Variants in PIK3C2G observed in about 807,000 individuals in gnomAD.
PIK3C2G encodes the protein phosphatidylinositol 3-kinase C2 domain-containing subunit gamma.
Under a neutral mutation model 181.1 loss-of-function variants are expected in PIK3C2G, and 168 were observed. That is an observed-to-expected ratio of 0.93 (90% confidence interval 0.82 to 1.05). The LOEUF is 1.05. Among genes scored for constraint, PIK3C2G ranks in the 50% least tolerant of loss-of-function variants. The pLI, the probability that PIK3C2G is intolerant of heterozygous loss-of-function variation, is 0.00. For synonymous variants in PIK3C2G, 573 were observed against 592.2 expected (o/e 0.97, Z 0.47); for missense variants, 1,869 against 1,732.8 (o/e 1.08, Z -1.40).
chr12:18,350,988 A>G (rs1940166342), intron 11 of PIK3C2G, among the ~76,000 whole-genome samples: 1 of 152,158 alleles, frequency 6.6e-6, no homozygotes, highest in South Asian at 2.1e-4. Context: ...TATATATTGT[A>G]CTTACAGAAG....
At chr12:18,563,532 C>G (rs1945457890) in intron 28 of PIK3C2G, 34 bp downstream of exon 28, 2 of 1,602,126 alleles carry the variant, frequency 1.2e-6, no homozygotes, top group South Asian at 1.1e-5. Context: ...GTTTTGCCTT[C>G]AGTACTTGTC....
At chr12:18,261,623 A>G (rs1479506364) in intron 1 of PIK3C2G, 46 bp downstream of exon 1, 2 of 152,160 alleles carry the variant, frequency 1.3e-5, no homozygotes, top group Admixed American at 1.3e-4. Context: ...ACTACATAGC[A>G]TGATATTTCG....
rs149623876 is a variant in PIK3C2G at position 18,359,898 on chromosome 12, T to C, written c.1626-2866T>C. ...CTAGTTGGATCTTATATACTTTTTG[T>C]CCATTTAGCCATGCTGTTGGTTAAA... is the stretch of plus-strand genomic sequence containing the variant. On this transcript the variant is annotated intron_variant, in intron 11 of 32. Transcript: ENST00000538779. Among the ~76,000 whole-genome samples, 1,003 of 152,262 alleles carry C rather than the reference T, an allele frequency of 6.6e-3. 10 individuals carry two copies. Among genetic ancestry groups the C allele is most frequent in the African/African-American group, 0.023 (965 of 41,562 alleles).
the PIK3C2G span, among the ~76,000 whole-genome samples, chr12:18,725,041 T>C: frequency 1.3e-5 from 2 of 152,198 alleles, no homozygotes; most frequent in South Asian, 2.1e-4. Flanking sequence ...GAATTGGAGA[T>C]ATAAGTCCAA....
chr12:18,524,714 C>T (rs1275362635), intron 24 of PIK3C2G, among the ~76,000 whole-genome samples: 3 of 151,748 alleles, frequency 2.0e-5, no homozygotes, highest in Non-Finnish European at 2.9e-5. Flanking sequence ...TACAGGTGCC[C>T]ACCACCACGC....
intron 30 of PIK3C2G, among the ~76,000 whole-genome samples, chr12:18,608,896 T>G (rs1948194640): frequency 6.6e-6 from 1 of 152,106 alleles, no homozygotes. Flanking sequence ...AGATTTGGAT[T>G]CTGTGCAGGG....
At chr12:18,436,483 G>C (rs1946454461) in intron 18 of PIK3C2G, among the ~76,000 whole-genome samples, 1 of 152,020 alleles carries the variant, frequency 6.6e-6, no homozygotes, top group African/African-American at 2.4e-5. Flanking sequence ...ATTAAGGGGA[G>C]AGTAGATTTG....
chr12:18,430,682 T>C (rs555157097), intron 18 of PIK3C2G, among the ~76,000 whole-genome samples: 30 of 152,172 alleles, frequency 2.0e-4, no homozygotes, highest in Admixed American at 3.3e-4. Context: ...TTCCAGGAGA[T>C]TGACCTGATC....
At chr12:18,252,800 T>C (rs1180345544) in intron 1 of PIK3C2G, among the ~76,000 whole-genome samples, 1 of 152,184 alleles carries the variant, frequency 6.6e-6, no homozygotes, top group Non-Finnish European at 1.5e-5. Context: ...AGAATTCTTT[T>C]ACAACCTGCT....
chr12:18,508,903 T>C (rs1018098154), intron 24 of PIK3C2G, among the ~76,000 whole-genome samples: 1 of 152,162 alleles, frequency 6.6e-6, no homozygotes, highest in East Asian at 1.9e-4. Context: ...TTAATTAAAA[T>C]GCTGCACCCA....
intron 16 of PIK3C2G, among the ~76,000 whole-genome samples, chr12:18,402,771 T>C (rs1202563067): frequency 6.6e-6 from 1 of 152,152 alleles, no homozygotes; most frequent in Non-Finnish European, 1.5e-5. Flanking sequence ...AGCAGAATTA[T>C]GCTTCGTGAG....
At chr12:18,424,100 C>G in intron 18 of PIK3C2G, 61 bp downstream of exon 18, 2 of 938,094 alleles carry the variant, frequency 2.1e-6, no homozygotes, top group African/African-American at 3.2e-5. Flanking sequence ...TATGGGGCAG[C>G]TTTAGAGGAA....
the PIK3C2G span, among the ~76,000 whole-genome samples, chr12:18,662,770 A>G: frequency 0.4 from 60,457 of 151,972 alleles, 14,216 homozygotes; most frequent in South Asian, 0.59. Context: ...TTAAGCTGTT[A>G]TAAAATCAAA....
intron 24 of PIK3C2G, among the ~76,000 whole-genome samples, chr12:18,530,306 G>A: frequency 6.6e-6 from 1 of 152,144 alleles, no homozygotes; most frequent in East Asian, 1.9e-4. Flanking sequence ...GTGCTTTGAA[G>A]CCATTCTCCT....
At chr12:18,685,531 A>ATGC in the PIK3C2G span, 2 of 341,320 alleles carry the variant, frequency 5.9e-6, no homozygotes, top group South Asian at 2.4e-5. Context: ...TACTATATCT[A>ATGC]TGTTTTCTAT....
the PIK3C2G span, chr12:18,683,387 C>T: frequency 6.5e-7 from 1 of 1,546,978 alleles, no homozygotes; most frequent in Non-Finnish European, 8.9e-7. Flanking sequence ...CTCCAATAGC[C>T]TTGCTGAGAA....
At chr12:18,389,029 T>C (rs1346036267) in intron 14 of PIK3C2G, among the ~76,000 whole-genome samples, 1 of 152,138 alleles carries the variant, frequency 6.6e-6, no homozygotes, top group Non-Finnish European at 1.5e-5. Flanking sequence ...ATGTTGACAT[T>C]TGAATAGATC....
chr12:18,347,251 C>G (rs1388492779), intron 11 of PIK3C2G, among the ~76,000 whole-genome samples: 3 of 151,946 alleles, frequency 2.0e-5, no homozygotes, highest in African/African-American at 7.3e-5. Context: ...TGATCCCCAC[C>G]AGGTTTCAGT....
intron 5 of PIK3C2G, among the ~76,000 whole-genome samples, chr12:18,294,867 T>G (rs1171337440): frequency 6.6e-6 from 1 of 151,838 alleles, no homozygotes; most frequent in Non-Finnish European, 1.5e-5. Context: ...TCCTTTGAAA[T>G]TCTCATTGTC....
Sources: allele counts gnomAD v4.1 joint callset (sites outside exome capture counted in the v4.1 genomes callset), GRCh38; gene constraint gnomAD v4.1.1; transcripts MANE v1.5; gene names NCBI Gene and HGNC (gene_info 2026-07-23, HGNC 2026-07-21).